The following CACNG4 variants were observed in gnomAD, a reference collection of about 807,000 sequenced individuals.
CACNG4 encodes voltage-dependent calcium channel gamma-4 subunit.
Under a neutral mutation model 22.9 loss-of-function variants are expected in CACNG4, and 8 were observed. The ratio of observed to expected loss-of-function variants is 0.35; its 90% CI spans 0.21 to 0.63. The LOEUF is 0.63. Among genes scored for constraint, CACNG4 ranks in the 30% least tolerant of loss-of-function variants. CACNG4 has a pLI of 0.72. For synonymous variants in CACNG4, 188 were observed against 191.9 expected (o/e 0.98, Z 0.17); for missense variants, 357 against 455.4 (o/e 0.78, Z 1.97).
rs997074032 is a variant in CACNG4 at position 67,009,688 on chromosome 17, G to A, written c.221-8501G>A. ...TGCGAAGTCCAAGATCAAGGCGCCA[G>A]CAGATTTGGTGTCTGGTGAGGGTGG... On this transcript the variant is annotated intron_variant, in intron 1 of 3. Coordinates refer to ENST00000262138, the MANE Select transcript of CACNG4 (RefSeq NM_014405.4). Among the ~76,000 whole-genome samples the A allele has an allele frequency of 3.3e-5, 5 of 152,186 alleles. No individual in the cohort carries two copies. In the South Asian group the frequency reaches 1.0e-3, roughly 32 times the overall value.
At chr17:66,980,553 A>C (rs567203500) in intron 1 of CACNG4, among the ~76,000 whole-genome samples, 1 of 151,990 alleles carries the variant, frequency 6.6e-6, no homozygotes, top group Non-Finnish European at 1.5e-5. Context: ...AAAATCTTCA[A>C]ACTCTTTAAA....
chr17:66,981,942 A>G (rs544431847), intron 1 of CACNG4, among the ~76,000 whole-genome samples: 1 of 152,354 alleles, frequency 6.6e-6, no homozygotes. Flanking sequence ...CTTATAAAAA[A>G]AAATTTTTAG....
At position 67,030,722 on chromosome 17, in the gene CACNG4, G is replaced by A. The variant is rs759200755; in HGVS notation, c.702G>A (p.Pro234=). ...CCTCTTCTCCTTATGCCAGGATGCC[G>A]AGCTACAGGTACCGGCGACGGCGCT... The part of the protein sequence containing the change: ...ASSSSPYARM[P]SYRYRRRRSR... The change falls in exon 4 of 4, where the codon CCG becomes CCA. Residue 234 remains proline, a synonymous_variant. Coordinates refer to ENST00000262138, the MANE Select transcript of CACNG4 (RefSeq NM_014405.4). The surrounding 1 kb of genome is among the most constrained non-coding windows in gnomAD (Gnocchi z 6.4). The A allele has an allele frequency of 1.9e-5, 31 of 1,614,102 alleles. No individual in the cohort carries two copies. Among genetic ancestry groups the A allele is most frequent in the Admixed American group, 1.5e-4 (9 of 60,010 alleles).
intron 1 of CACNG4, among the ~76,000 whole-genome samples, chr17:66,969,281 C>T (rs973488923): frequency 6.6e-6 from 1 of 152,202 alleles, no homozygotes; most frequent in Non-Finnish European, 1.5e-5. Flanking sequence ...CCACCCAGTC[C>T]CCGTGCTGCC....
intron 1 of CACNG4, among the ~76,000 whole-genome samples, chr17:67,010,019 T>C (rs1361362542): frequency 1.3e-5 from 2 of 151,672 alleles, no homozygotes; most frequent in East Asian, 3.9e-4. Context: ...CCATCACTGC[T>C]ACCCAACCAT....
chr17:66,980,383 G>A lies in CACNG4; in HGVS notation c.220+15252G>A, dbSNP rs151103727. Among the ~76,000 whole-genome samples, 1,003 of 152,252 alleles carry A rather than the reference G, an allele frequency of 6.6e-3. 6 individuals are homozygous for A. The highest frequency in any genetic ancestry group is 0.023 in the African/African-American group (944 of 41,536). On this transcript the variant is annotated intron_variant, in intron 1 of 3. Coordinates refer to ENST00000262138, the MANE Select transcript of CACNG4 (RefSeq NM_014405.4). ...AAGTACTTAATCGGAAAGCTGTGTC[G>A]TGAGAGGCCCCTCAGGGAGAATTTT...
chr17:67,015,007 G>A (rs2035488924), intron 1 of CACNG4, among the ~76,000 whole-genome samples: 1 of 152,074 alleles, frequency 6.6e-6, no homozygotes, highest in Non-Finnish European at 1.5e-5. Flanking sequence ...GATGTTTAGG[G>A]GAAATATCCC....
chr17:67,012,470 T>C (rs191759009), intron 1 of CACNG4, among the ~76,000 whole-genome samples: 25 of 152,182 alleles, frequency 1.6e-4, no homozygotes, highest in Admixed American at 4.6e-4. Flanking sequence ...GGAGAGCCAA[T>C]GCAAGGATGT....
intron 1 of CACNG4, among the ~76,000 whole-genome samples, chr17:67,017,012 G>A (rs190573760): frequency 3.4e-4 from 51 of 152,180 alleles, no homozygotes; most frequent in African/African-American, 8.7e-4. Flanking sequence ...TCCCTCAACC[G>A]CATTGAGTGA....
chr17:66,981,788 A>C (rs1319199653), intron 1 of CACNG4, among the ~76,000 whole-genome samples: 1 of 152,250 alleles, frequency 6.6e-6, no homozygotes, highest in African/African-American at 2.4e-5. Context: ...CTTGCTATGC[A>C]CCAAGCACAT....
chr17:67,015,715 C>T (rs897157833), intron 1 of CACNG4, among the ~76,000 whole-genome samples: 4 of 152,182 alleles, frequency 2.6e-5, no homozygotes, highest in African/African-American at 7.2e-5. Flanking sequence ...CAGAGCAAAT[C>T]GGGAAAGAGG....
intron 1 of CACNG4, among the ~76,000 whole-genome samples, chr17:66,999,802 A>T (rs2035397255): frequency 6.6e-6 from 1 of 152,216 alleles, no homozygotes; most frequent in Admixed American, 6.5e-5. Context: ...ACAGGGTCAA[A>T]CCATATCAAC....
intron 1 of CACNG4, among the ~76,000 whole-genome samples, chr17:66,979,745 CT>C (rs35942551): frequency 0.028 from 2,609 of 91,868 alleles, 19 homozygotes; most frequent in African/African-American, 0.11. Flanking sequence ...TCTTTTCATG[CT>C]TTTTTTTTTT....
intron 1 of CACNG4, among the ~76,000 whole-genome samples, chr17:66,991,320 C>CCAAA (rs796983149): frequency 3.4e-4 from 51 of 151,188 alleles, no homozygotes; most frequent in African/African-American, 9.0e-4. Flanking sequence ...ATTGCCATCC[C>CCAAA]CAAACAAACA....
chr17:67,000,776 G>A (rs1308969587), intron 1 of CACNG4, among the ~76,000 whole-genome samples: 1 of 152,190 alleles, frequency 6.6e-6, no homozygotes, highest in Admixed American at 6.5e-5. Flanking sequence ...GGGGGCACAA[G>A]TTATCCTTGG....
At chr17:67,013,731 GGA>G (rs2035480590) in intron 1 of CACNG4, among the ~76,000 whole-genome samples, 1 of 152,072 alleles carries the variant, frequency 6.6e-6, no homozygotes, top group African/African-American at 2.4e-5. Context: ...GTTGAACCCG[GGA>G]GGTGGAGGTC....
chr17:66,986,514 T>A (rs1342755708), intron 1 of CACNG4, among the ~76,000 whole-genome samples: 1 of 152,108 alleles, frequency 6.6e-6, no homozygotes, highest in African/African-American at 2.4e-5. Context: ...GAGCCCATTA[T>A]GGGGAAGGGT....
At chr17:66,993,617 T>C (rs1289633753) in intron 1 of CACNG4, among the ~76,000 whole-genome samples, 1 of 152,170 alleles carries the variant, frequency 6.6e-6, no homozygotes, top group African/African-American at 2.4e-5. Context: ...GATAGATTCT[T>C]TTTTTTGAGA....
intron 1 of CACNG4, among the ~76,000 whole-genome samples, chr17:67,012,548 C>T (rs537362297): frequency 1.3e-5 from 2 of 152,266 alleles, no homozygotes; most frequent in Admixed American, 6.5e-5. Flanking sequence ...GTAGAAAGGA[C>T]TTCAGAACTG....
Sources: gnomAD v4.1 joint callset for allele counts (sites outside exome capture counted in the v4.1 genomes callset) on GRCh38, gnomAD v4.1.1 for gene constraint, Gnocchi (gnomAD v3.1) non-coding constraint, MANE v1.5 for transcripts, NCBI Gene and HGNC (gene_info 2026-07-23, HGNC 2026-07-21) for gene names.